The following ZNF438 variants were observed in gnomAD, a reference collection of about 807,000 sequenced individuals.
ZNF438 encodes zinc finger protein 438.
A neutral mutation model predicts 38.0 loss-of-function variants in ZNF438; 25 were observed. The ratio of observed to expected loss-of-function variants is 0.66; its 90% confidence interval spans 0.48 to 0.92. The LOEUF is 0.92. ZNF438 is among the 40% of genes least tolerant of loss of function. The pLI is 0.00. For synonymous variants in ZNF438, 372 were observed against 364.1 expected, an observed-to-expected ratio of 1.02 and a Z score of -0.25; for missense variants, 1,007 against 999.6, an observed-to-expected ratio of 1.01 and a Z score of -0.10.
At chr10:30,977,118 T>C (rs776867940) in intron 1 of ZNF438, among the ~76,000 whole-genome samples, 5 of 152,164 alleles carry the variant, frequency 3.3e-5, no homozygotes, top group Non-Finnish European at 5.9e-5. Flanking sequence ...TAAAAGTAAC[T>C]TGGAAATTTG....
intron 1 of ZNF438, among the ~76,000 whole-genome samples, chr10:30,951,733 C>A (rs552382281): frequency 2.0e-5 from 3 of 150,512 alleles, no homozygotes; most frequent in East Asian, 1.9e-4. Context: ...TAAACCACTG[C>A]TCAATGAAAT....
chr10:31,026,576 A>G (rs938676462), intron 1 of ZNF438, among the ~76,000 whole-genome samples: 1 of 152,214 alleles, frequency 6.6e-6, no homozygotes, highest in Non-Finnish European at 1.5e-5. Flanking sequence ...GCGATCATTA[A>G]AAAGTCAGGA....
chr10:30,883,563 T>A (rs777439707), intron 3 of ZNF438, among the ~76,000 whole-genome samples: 1 of 152,212 alleles, frequency 6.6e-6, no homozygotes, highest in Non-Finnish European at 1.5e-5. Context: ...GCTTATGACA[T>A]GTTTTTGTAT....
chr10:30,993,119 G>A (rs779079249), intron 1 of ZNF438, among the ~76,000 whole-genome samples: 3 of 152,200 alleles, frequency 2.0e-5, no homozygotes, highest in Non-Finnish European at 4.4e-5. Context: ...TAAAAAGCTT[G>A]TTTAGGAAAG....
At chr10:30,902,858 G>A (rs1010833249) in intron 3 of ZNF438, among the ~76,000 whole-genome samples, 54 of 152,350 alleles carry the variant, frequency 3.5e-4, no homozygotes, top group African/African-American at 1.2e-3. Context: ...GTGCAGCAGC[G>A]GGTGGTGCTC....
At chr10:30,926,174 G>C (rs527756919) in intron 2 of ZNF438, among the ~76,000 whole-genome samples, 2 of 152,300 alleles carry the variant, frequency 1.3e-5, no homozygotes, top group Non-Finnish European at 2.9e-5. Flanking sequence ...TTGGGCAATG[G>C]AATGTCTGAT....
intron 1 of ZNF438, among the ~76,000 whole-genome samples, chr10:30,963,633 G>C (rs2049786516): frequency 6.6e-6 from 1 of 152,084 alleles, no homozygotes. Flanking sequence ...CAGCACTTTG[G>C]GAGGCCAAGG....
At chr10:30,891,581 GA>G (rs1554834213) in intron 3 of ZNF438, among the ~76,000 whole-genome samples, 1 of 152,072 alleles carries the variant, frequency 6.6e-6, no homozygotes, top group Non-Finnish European at 1.5e-5. Flanking sequence ...CTAGTCTCTT[GA>G]ATTTATCTAA....
At chr10:30,845,977 G>A (rs1236461697) in intron 5 of ZNF438, among the ~76,000 whole-genome samples, 1 of 152,150 alleles carries the variant, frequency 6.6e-6, no homozygotes, top group Admixed American at 6.5e-5. Context: ...CCCTAACCTT[G>A]AGCACCAATA....
At chr10:30,942,322 G>A (rs1254552966) in intron 1 of ZNF438, among the ~76,000 whole-genome samples, 1 of 152,186 alleles carries the variant, frequency 6.6e-6, no homozygotes, top group African/African-American at 2.4e-5. Context: ...GTGTTTGGCA[G>A]AAAACACATT....
chr10:30,881,573 T>C (rs913233027), intron 3 of ZNF438, among the ~76,000 whole-genome samples: 21 of 152,238 alleles, frequency 1.4e-4, no homozygotes, highest in Non-Finnish European at 2.1e-4. Context: ...AATAAATATA[T>C]AAATTCAATG....
Position 30,849,120 on chromosome 10 carries a change from T to TC in ZNF438, c.1284dup (p.Thr429AspfsTer7). The TC allele has an allele frequency of 6.2e-7, 1 of 1,613,762 alleles. No homozygotes were observed. The highest frequency in any genetic ancestry group is 8.5e-7 in the Non-Finnish European group (1 of 1,180,018). On this transcript the variant is annotated frameshift_variant, in exon 5 of 6. Transcript: ENST00000413025. LOFTEE classifies it high-confidence loss of function. The stretch of plus-strand genomic sequence containing the variant: ...ATAATGCTACGGTATTTTTTCAGGG[T>TC]CCCCAGCTTTTGGTCTCTGAATTCT...
intron 4 of ZNF438, among the ~76,000 whole-genome samples, chr10:30,868,123 G>A (rs1277621334): frequency 6.6e-6 from 1 of 150,500 alleles, no homozygotes; most frequent in Non-Finnish European, 1.5e-5. Context: ...AGGCTGGAGT[G>A]CAATGGCACG....
At chr10:30,954,977 T>C (rs955961650) in intron 1 of ZNF438, among the ~76,000 whole-genome samples, 3 of 152,176 alleles carry the variant, frequency 2.0e-5, no homozygotes, top group Admixed American at 6.5e-5. Context: ...AATAGCCTAA[T>C]AAAAGAACTA....
rs545215042 is a variant in ZNF438 at position 30,937,493 on chromosome 10, A to G, written c.-115+4082T>C. 1.8e-3 allele frequency among the ~76,000 whole-genome samples: 279 copies of G among 152,284 alleles called. 1 individual carries two copies. Among genetic ancestry groups the G allele is most frequent in the African/African-American group, 6.5e-3 (270 of 41,560 alleles). Reference sequence around the variant, plus strand: ...AAATGCTTTATAATGATTATGTTAAAGGTCATATTCCTCATACACATAACT... The same window carrying G: ...AAATGCTTTATAATGATTATGTTAAGGGTCATATTCCTCATACACATAACT... On this transcript the variant is annotated intron_variant, in intron 2 of 5. Transcript: ENST00000413025.
At chr10:30,997,029 A>G (rs1258308867) in intron 1 of ZNF438, among the ~76,000 whole-genome samples, 1 of 152,174 alleles carries the variant, frequency 6.6e-6, no homozygotes, top group Non-Finnish European at 1.5e-5. Flanking sequence ...AATTTATTGG[A>G]TACAGCTAAA....
intron 4 of ZNF438, 114 bp from the exon 6 acceptor site, chr10:30,850,481 C>T (rs1311005191): frequency 4.8e-6 from 6 of 1,257,908 alleles, no homozygotes; most frequent in Non-Finnish European, 6.4e-6. Flanking sequence ...GACCTACCTC[C>T]AAGCCTTCTG....
At chr10:30,874,112 G>GTATA (rs2037980293) in intron 4 of ZNF438, among the ~76,000 whole-genome samples, 7 of 36,064 alleles carry the variant, frequency 1.9e-4, no homozygotes, top group African/African-American at 2.5e-4. Context: ...GGGTGTGTGT[G>GTATA]TGTATATATA....
At chr10:30,852,981 G>A (rs1314948227) in intron 4 of ZNF438, among the ~76,000 whole-genome samples, 1 of 150,150 alleles carries the variant, frequency 6.7e-6, no homozygotes, top group African/African-American at 2.4e-5. Context: ...TTTTTTTTTG[G>A]AAGAAGTACC....
Sources: gnomAD v4.1 joint callset for allele counts (sites outside exome capture counted in the v4.1 genomes callset) on GRCh38, gnomAD v4.1.1 for gene constraint, MANE v1.5 for transcripts, NCBI Gene and HGNC (gene_info 2026-07-23, HGNC 2026-07-21) for gene names.